The following CSMD1 variants were observed in gnomAD, a reference collection of about 807,000 sequenced individuals.
CSMD1 encodes CUB and Sushi multiple domains 1.
In CSMD1, 213 loss-of-function variants were observed where a neutral mutation model predicts 417.5. The observed-to-expected ratio is 0.51, with a 90% CI of 0.46 to 0.57. The LOEUF (loss-of-function observed/expected upper bound fraction) is 0.57, where lower values mean the gene tolerates loss of function less well. CSMD1 is among the 20% of genes least tolerant of loss of function. CSMD1 has a pLI of 0.00. For missense variants in CSMD1, 6,923 were observed against 4,529.7 expected, an observed-to-expected ratio of 1.53 and a Z score of -15.17; for synonymous variants, 2,862 against 1,736.8, an observed-to-expected ratio of 1.65 and a Z score of -16.11.
rs963270925 is a variant in CSMD1, at chr8:4,092,133, A to C, written c.416-60034T>G. 2.6e-5 allele frequency among the ~76,000 whole-genome samples: 4 copies of C among 152,160 alleles called. No individual in the cohort carries two copies. In the East Asian group the frequency reaches 7.7e-4, roughly 29 times the overall value. On this transcript the variant is annotated intron_variant, in intron 3 of 69. Transcript: ENST00000635120. ...TAGAGAAATACTTTCTCCTTAAGAG[A>C]AGAAAATTTTTCCTTAAATTCTACT... is the stretch of plus-strand genomic sequence containing the variant.
intron 3 of CSMD1, among the ~76,000 whole-genome samples, chr8:4,253,375 T>C (rs748276686): frequency 3.2e-5 from 4 of 126,510 alleles, no homozygotes; most frequent in Non-Finnish European, 6.7e-5. Flanking sequence ...TTTAAATGCA[T>C]TTTTTTCATT....
At chr8:3,949,657 A>G (rs11993790) in intron 5 of CSMD1, among the ~76,000 whole-genome samples, 6,136 of 152,148 alleles carry the variant, frequency 0.04, 390 homozygotes, top group African/African-American at 0.14. Context: ...AGGGGCAACG[A>G]GGATGAGAGA....
At chr8:4,274,970 T>C (rs1796392905) in intron 3 of CSMD1, among the ~76,000 whole-genome samples, 1 of 152,204 alleles carries the variant, frequency 6.6e-6, no homozygotes, top group South Asian at 2.1e-4. Context: ...TGCTTGTAGC[T>C]GAGCAGAGTG....
intron 26 of CSMD1, among the ~76,000 whole-genome samples, chr8:3,235,971 G>A (rs893025456): frequency 3.5e-5 from 5 of 143,078 alleles, no homozygotes; most frequent in Non-Finnish European, 3.0e-5. Flanking sequence ...AGGCTGGAGT[G>A]CAGTGGCACA....
intron 1 of CSMD1, among the ~76,000 whole-genome samples, chr8:4,752,411 G>A (rs1992200): frequency 6.6e-6 from 1 of 151,918 alleles, no homozygotes; most frequent in Admixed American, 6.6e-5. Flanking sequence ...TCATAGGTAT[G>A]GACTGAACTT....
chr8:4,077,279 CTATATATATATATATGTGTATATATATA>C (rs1585262664), intron 3 of CSMD1, among the ~76,000 whole-genome samples: 2 of 94,992 alleles, frequency 2.1e-5, no homozygotes, highest in East Asian at 4.9e-4. Context: ...CATTTGTCAC[CTATATATATATATATGTGTATATATATA>C]TATATATATA....
rs7008682 is a variant in CSMD1, at chr8:4,214,444, T to C, written c.416-182345A>G. ...TTCTAAGTAGCTGAGACTGCAGGCA[T>C]GCACCACCACACTTGGCTAATGTTT... On this transcript the variant is annotated intron_variant, in intron 3 of 69. Coordinates refer to ENST00000635120, the MANE Select transcript of CSMD1 (RefSeq NM_033225.6). Among the ~76,000 whole-genome samples, 1,291 of 152,246 alleles carry C rather than the reference T, an allele frequency of 8.5e-3. 16 individuals carry two copies. The highest frequency in any genetic ancestry group is 0.029 in the African/African-American group (1,211 of 41,556).
intron 3 of CSMD1, among the ~76,000 whole-genome samples, chr8:4,298,294 T>A (rs1338644245): frequency 1.3e-5 from 2 of 152,238 alleles, no homozygotes; most frequent in East Asian, 3.8e-4. Flanking sequence ...TAATAATGTT[T>A]GATTCCTTTA....
At chr8:4,150,130 A>C (rs1796491443) in intron 3 of CSMD1, among the ~76,000 whole-genome samples, 1 of 152,190 alleles carries the variant, frequency 6.6e-6, no homozygotes, top group Non-Finnish European at 1.5e-5. Context: ...TGTGTATTTT[A>C]AGGAATAAAC....
At chr8:3,289,277 C>A (rs1479849413) in intron 25 of CSMD1, among the ~76,000 whole-genome samples, 1 of 147,216 alleles carries the variant, frequency 6.8e-6, no homozygotes, top group Non-Finnish European at 1.5e-5. Context: ...AATAGTGCCG[C>A]TATAAACATA....
intron 3 of CSMD1, among the ~76,000 whole-genome samples, chr8:4,299,394 G>C (rs560407605): frequency 2.0e-5 from 3 of 152,074 alleles, no homozygotes; most frequent in Non-Finnish European, 4.4e-5. Context: ...ATAACCAGTC[G>C]TCTCAACATG....
chr8:3,850,459 C>T (rs997512917), intron 5 of CSMD1, among the ~76,000 whole-genome samples: 1 of 152,180 alleles, frequency 6.6e-6, no homozygotes, highest in Non-Finnish European at 1.5e-5. Context: ...TTTTGGAAGG[C>T]TGAGGCAGGC....
At chr8:4,939,097 CTTTA>C (rs1397877958) in intron 1 of CSMD1, among the ~76,000 whole-genome samples, 1 of 152,098 alleles carries the variant, frequency 6.6e-6, no homozygotes, top group Non-Finnish European at 1.5e-5. Flanking sequence ...CGGGTTGCCT[CTTTA>C]TTTTATTATT....
chr8:3,961,815 A>G (rs2129986676), intron 5 of CSMD1, among the ~76,000 whole-genome samples: 1 of 152,310 alleles, frequency 6.6e-6, no homozygotes, highest in South Asian at 2.1e-4. Flanking sequence ...CCCGCTAGAA[A>G]TGCTATTAAA....
At position 3,087,135 on chromosome 8, in the gene CSMD1, C is replaced by T; in HGVS notation, c.7436G>A (p.Gly2479Asp). The change falls in exon 49 of 70, where the codon GGC (glycine) becomes GAC (aspartate). Residue 2479 changes from glycine to aspartate, a missense_variant. Physicochemically the swap from Gly to Asp is moderately conservative, Grantham distance 94 (BLOSUM62 -1). Coordinates refer to ENST00000635120, the MANE Select transcript of CSMD1 (RefSeq NM_033225.6). ...CGTGAGGGAGTCCCACTGGTACATG[C>T]CAAGTGGGTTTCGTCTACAGGTTGC... ...SNATCRRNPL[G>D]MYQWDSLTPL... is the part of the protein sequence containing the mutation. 1 of 1,613,654 alleles carries T rather than the reference C, an allele frequency of 6.2e-7. No individual in the cohort carries two copies. Among genetic ancestry groups the T allele is most frequent in the Non-Finnish European group, 8.5e-7 (1 of 1,179,872 alleles).
At chr8:4,178,020 A>G (rs1307676009) in intron 3 of CSMD1, among the ~76,000 whole-genome samples, 3 of 152,208 alleles carry the variant, frequency 2.0e-5, no homozygotes, top group Non-Finnish European at 2.9e-5. Flanking sequence ...AACTAGTACC[A>G]TTCCTTCTGA....
At chr8:4,308,657 T>G (rs945475527) in intron 3 of CSMD1, among the ~76,000 whole-genome samples, 2 of 152,236 alleles carry the variant, frequency 1.3e-5, no homozygotes, top group African/African-American at 4.8e-5. Context: ...AAGAACAGTT[T>G]ATAAGAGGCT....
Position 4,142,519 on chromosome 8 carries a change from G to A in CSMD1, c.416-110420C>T, listed in dbSNP as rs1394784021. On this transcript the variant is annotated intron_variant, in intron 3 of 69. Coordinates refer to ENST00000635120, the MANE Select transcript of CSMD1 (RefSeq NM_033225.6). ...TCGTGAAAAAGGAGCTGTTCTAGAT[G>A]AATTCTAAGTTTAGCAACATGTTCA... Among the ~76,000 whole-genome samples the A allele has an allele frequency of 5.3e-5, 8 of 151,344 alleles. No individual in the cohort carries two copies. The East Asian group carries it at 1.5e-3, about 29-fold the overall frequency.
chr8:4,248,519 A>G (rs1473425333), intron 3 of CSMD1, among the ~76,000 whole-genome samples: 1 of 152,222 alleles, frequency 6.6e-6, no homozygotes, highest in Non-Finnish European at 1.5e-5. Flanking sequence ...AACTTCTAAC[A>G]GGAGGATTTT....
Sources: gnomAD v4.1 joint callset for allele counts (sites outside exome capture counted in the v4.1 genomes callset) on GRCh38, gnomAD v4.1.1 for gene constraint, MANE v1.5 for transcripts, NCBI Gene and HGNC (gene_info 2026-07-23, HGNC 2026-07-21) for gene names.